Variants in PIEZO2 observed in about 807,000 individuals in gnomAD.
The protein encoded by PIEZO2 is piezo type mechanosensitive ion channel component 2.
In PIEZO2, 172 loss-of-function variants were observed where a neutral mutation model predicts 337.3. The ratio of observed to expected loss-of-function variants is 0.51; its 90% CI spans 0.45 to 0.58. The LOEUF is 0.58. Among genes scored for constraint, PIEZO2 ranks in the 20% least tolerant of loss-of-function variants. The pLI is 0.00. For synonymous variants in PIEZO2, 1,251 were observed against 1,228.5 expected, an observed-to-expected ratio of 1.02 and a Z score of -0.38; for missense variants, 3,028 against 3,391.3, an observed-to-expected ratio of 0.89 and a Z score of 2.66.
At chr18:10,765,749 C>A (rs1881087) in intron 21 of PIEZO2, among the ~76,000 whole-genome samples, 32,775 of 152,032 alleles carry the variant, frequency 0.22, 4,062 homozygotes, top group South Asian at 0.28. Context: ...GAGTCCTGTG[C>A]TTGTGAGCTC....
chr18:10,700,862 T>C (rs574792581), intron 43 of PIEZO2, among the ~76,000 whole-genome samples: 37 of 152,352 alleles, frequency 2.4e-4, no homozygotes, highest in Middle Eastern at 3.4e-3. Flanking sequence ...CTTAGATACA[T>C]AGCTTTCAAA....
At position 10,954,365 on chromosome 18, in the gene PIEZO2, T is replaced by C. The variant is rs2033430478; in HGVS notation, c.286+25170A>G. Among the ~76,000 whole-genome samples, 1 of 152,216 alleles carries C rather than the reference T, an allele frequency of 6.6e-6. No individual in the cohort carries two copies. The highest frequency in any genetic ancestry group is 1.5e-5 in the Non-Finnish European group (1 of 68,030). On this transcript the variant is annotated intron_variant, in intron 3 of 55. Transcript: ENST00000674853. The surrounding 1 kb of genome is among the most constrained non-coding windows in gnomAD (Gnocchi z 4.2). The stretch of plus-strand genomic sequence containing the variant: ...TTGTTTCATTTATTTCTGCAGCATA[T>C]GGGTCTTGCATTGTTTTTAGATTTA...
chr18:11,039,819 T>C (rs565783805), intron 2 of PIEZO2, among the ~76,000 whole-genome samples: 1 of 151,736 alleles, frequency 6.6e-6, no homozygotes, highest in Admixed American at 6.6e-5. Context: ...AATTAAAAAC[T>C]AGCAAAATAA....
chr18:10,715,519 A>G, intron 38 of PIEZO2, 131 bp downstream of exon 38: 3 of 770,582 alleles, frequency 3.9e-6, no homozygotes, highest in East Asian at 5.8e-5. Flanking sequence ...TATACAGAAA[A>G]GCAAAGGGGT....
Position 10,821,336 on chromosome 18 carries a change from T to A in PIEZO2, c.918-14062A>T, listed in dbSNP as rs1360675079. 6.6e-6 allele frequency among the ~76,000 whole-genome samples: 1 copy of A among 152,182 alleles called. No individual in the cohort carries two copies. Among genetic ancestry groups the A allele is most frequent in the African/African-American group, 2.4e-5 (1 of 41,444 alleles). On this transcript the variant is annotated intron_variant, in intron 7 of 55. Coordinates refer to ENST00000674853, the MANE Select transcript of PIEZO2 (RefSeq NM_001378183.1). This position sits in a 1 kb window ranked among gnomAD's most constrained non-coding sequence, Gnocchi z 4.2. Reference sequence around the variant, plus strand: ...ATCTGAAAACAGTTGTTTCATATATTTTCTCTAGTTTTCTCTTTGATTATA... The same window carrying A: ...ATCTGAAAACAGTTGTTTCATATATATTCTCTAGTTTTCTCTTTGATTATA...
At chr18:10,742,146 C>T (rs924278916) in intron 32 of PIEZO2, among the ~76,000 whole-genome samples, 3 of 152,062 alleles carry the variant, frequency 2.0e-5, no homozygotes, top group Admixed American at 6.5e-5. Flanking sequence ...CAGAGCGAGA[C>T]TCCGTCTCAA....
chr18:10,810,194 G>A (rs1277930715), intron 7 of PIEZO2, among the ~76,000 whole-genome samples: 1 of 152,060 alleles, frequency 6.6e-6, no homozygotes, highest in Non-Finnish European at 1.5e-5. Context: ...AGAAAGGACA[G>A]TTTTTAGAAG....
intron 2 of PIEZO2, among the ~76,000 whole-genome samples, chr18:11,065,398 C>T (rs1461848931): frequency 1.3e-5 from 2 of 152,202 alleles, no homozygotes; most frequent in Admixed American, 6.5e-5. Flanking sequence ...GAAAAAAAGA[C>T]AATTTACTAA....
chr18:11,103,003 AG>A (rs534183688), intron 1 of PIEZO2, among the ~76,000 whole-genome samples: 2 of 152,088 alleles, frequency 1.3e-5, no homozygotes, highest in Non-Finnish European at 2.9e-5. Flanking sequence ...ACTCTTGGCT[AG>A]GGGAGGGGTG....
chr18:10,728,016 T>C (rs1166125995), intron 36 of PIEZO2: 1 of 150,694 alleles, frequency 6.6e-6, no homozygotes, highest in African/African-American at 2.4e-5. Context: ...ATAGCATGAA[T>C]TGATAAGAAC....
At chr18:10,923,290 A>G (rs1412360265) in intron 3 of PIEZO2, among the ~76,000 whole-genome samples, 3 of 152,206 alleles carry the variant, frequency 2.0e-5, no homozygotes, top group African/African-American at 7.2e-5. Context: ...CATGAACTTC[A>G]TGATATAATG....
chr18:10,893,211 T>C (rs189945826), intron 4 of PIEZO2, among the ~76,000 whole-genome samples: 5 of 152,354 alleles, frequency 3.3e-5, no homozygotes, highest in African/African-American at 1.2e-4. Context: ...AGATTTGTTA[T>C]TTTTATAAAT....
rs2042826947 is a variant in PIEZO2, at chr18:10,894,009, G to A, written c.329+17177C>T. On this transcript the variant is annotated intron_variant, in intron 4 of 55. Coordinates refer to ENST00000674853, the MANE Select transcript of PIEZO2 (RefSeq NM_001378183.1). This position sits in a 1 kb window ranked among gnomAD's most constrained non-coding sequence, Gnocchi z 4.1. ...AGCATCAGATGATGGTCAGGTGGTT[G>A]TTAACTGTCTCTTTAAAATAGTAAT... 6.6e-6 allele frequency among the ~76,000 whole-genome samples: 1 copy of A among 152,160 alleles called. No homozygotes were observed. The highest frequency in any genetic ancestry group is 2.4e-5 in the African/African-American group (1 of 41,446).
chr18:10,693,300 T>C (rs931618008), intron 47 of PIEZO2, among the ~76,000 whole-genome samples: 1 of 152,118 alleles, frequency 6.6e-6, no homozygotes. Flanking sequence ...CCGGATTTTC[T>C]ATATAGGCTG....
At chr18:10,971,933 A>T (rs2034252797) in intron 3 of PIEZO2, among the ~76,000 whole-genome samples, 1 of 152,080 alleles carries the variant, frequency 6.6e-6, no homozygotes, top group South Asian at 2.1e-4. Flanking sequence ...TGCCTCTGGG[A>T]CTCACTTTCC....
intron 27 of PIEZO2, among the ~76,000 whole-genome samples, chr18:10,753,393 C>CT (rs2037720123): frequency 6.6e-6 from 1 of 152,188 alleles, no homozygotes. Context: ...TTCCAATACT[C>CT]TGTTTCTGGA....
At chr18:11,147,335 G>C (rs2040836066) in intron 1 of PIEZO2, among the ~76,000 whole-genome samples, 1 of 152,178 alleles carries the variant, frequency 6.6e-6, no homozygotes, top group African/African-American at 2.4e-5. Context: ...GCGCCTTTCT[G>C]GGTTTTCCGC....
In PIEZO2 at chr18:10,944,353, G is replaced by A. The variant is rs115102005; in HGVS notation, c.287-33125C>T. Among the ~76,000 whole-genome samples, 1,054 of 151,506 alleles carry A rather than the reference G, an allele frequency of 7.0e-3. 23 individuals are homozygous for A. Among genetic ancestry groups the A allele is most frequent in the African/African-American group, 0.024 (978 of 41,340 alleles). ...AAGAAACAATATTCGGTGGGATAAC[G>A]TGTACCAATTTTTTCAGATTGATGA... On this transcript the variant is annotated intron_variant, in intron 3 of 55. Transcript: ENST00000674853.
chr18:10,670,978 T>C lies in PIEZO2; in HGVS notation c.*549A>G, dbSNP rs2033744938. Reference sequence around the variant, plus strand: ...TTTTGCTTAGAATGAGGCTGATCCTTCCACTGGCGTCTTCACGGGCAATTA... The same window carrying C: ...TTTTGCTTAGAATGAGGCTGATCCTCCCACTGGCGTCTTCACGGGCAATTA... On this transcript the variant is annotated 3_prime_UTR_variant, in exon 56 of 56. Coordinates refer to ENST00000674853, the MANE Select transcript of PIEZO2 (RefSeq NM_001378183.1). 1 of 152,816 alleles carries C rather than the reference T, an allele frequency of 6.5e-6. No homozygotes were observed. Among genetic ancestry groups the C allele is most frequent in the African/African-American group, 2.4e-5 (1 of 41,440 alleles). The allele number at this position is 152,816 out of a possible 1,614,324, so 9.5% of individuals were successfully genotyped here.
Sources: allele counts gnomAD v4.1 joint callset (sites outside exome capture counted in the v4.1 genomes callset), GRCh38; gene constraint gnomAD v4.1.1; non-coding constraint Gnocchi (gnomAD v3.1); transcripts MANE v1.5; gene names NCBI Gene and HGNC (gene_info 2026-07-23, HGNC 2026-07-21).